BEND4: variants seen among roughly 807,000 people sequenced by gnomAD.
The protein encoded by BEND4 is BEN domain-containing protein 4.
In BEND4, 27 loss-of-function variants were observed where a neutral mutation model predicts 54.7. The ratio of observed to expected loss-of-function variants is 0.49; its 90% confidence interval spans 0.36 to 0.68. The LOEUF (loss-of-function observed/expected upper bound fraction) is 0.68, where lower values mean the gene tolerates loss of function less well. Among genes scored for constraint, BEND4 ranks in the 30% least tolerant of loss-of-function variants. BEND4 has a pLI of 0.00. For synonymous variants in BEND4, 327 were observed against 299.5 expected, an observed-to-expected ratio of 1.09 and a Z score of -0.95; for missense variants, 702 against 697.2, an observed-to-expected ratio of 1.01 and a Z score of -0.08.
chr4:42,138,372 T>A (rs115737563), intron 3 of BEND4, among the ~76,000 whole-genome samples: 24,194 of 151,988 alleles, frequency 0.16, 2,000 homozygotes, highest in Non-Finnish European at 0.19. Context: ...TAAAATAAAT[T>A]CAAATTCAAA....
intron 2 of BEND4, among the ~76,000 whole-genome samples, chr4:42,149,016 C>T (rs1457375274): frequency 6.6e-6 from 1 of 152,142 alleles, no homozygotes; most frequent in Non-Finnish European, 1.5e-5. Flanking sequence ...AAATAAGATT[C>T]ACTTCAACCC....
chr4:42,120,164 T>G lies in BEND4; in HGVS notation c.1277A>C (p.Asp426Ala). 6.2e-7 allele frequency: 1 copy of G among 1,613,966 alleles called. No homozygotes were observed. Among genetic ancestry groups the G allele is most frequent in the Non-Finnish European group, 8.5e-7 (1 of 1,179,876 alleles). Reference sequence around the variant, plus strand: ...AAGGCCGCATGAGTACTTAAGCTCATCGGTTGTGAAAACAAATCTGATGAG... The same window carrying G: ...AAGGCCGCATGAGTACTTAAGCTCAGCGGTTGTGAAAACAAATCTGATGAG... ...RYLIRFVFTT[D>A]ELKYSCGLGK... The change falls in exon 5 of 6, where the codon GAT becomes GCT. Residue 426 changes from aspartate (D) to alanine (A), a missense_variant. Transcript: ENST00000502486.
At chr4:42,135,384 C>T (rs1399696771) in intron 3 of BEND4, among the ~76,000 whole-genome samples, 1 of 152,156 alleles carries the variant, frequency 6.6e-6, no homozygotes, top group East Asian at 1.9e-4. Flanking sequence ...AGAATAATTT[C>T]CTCTTTTTCT....
chr4:42,150,258 A>G (rs1721217179), intron 2 of BEND4, among the ~76,000 whole-genome samples: 1 of 152,216 alleles, frequency 6.6e-6, no homozygotes, highest in African/African-American at 2.4e-5. Flanking sequence ...TGCCTAACAA[A>G]GAATATAAAA....
intron 3 of BEND4, among the ~76,000 whole-genome samples, chr4:42,128,629 A>C (rs1399187507): frequency 6.6e-6 from 1 of 151,840 alleles, no homozygotes; most frequent in Non-Finnish European, 1.5e-5. Flanking sequence ...GTCTCAAAAA[A>C]ACAGAAAAGA....
At position 42,113,720 on chromosome 4, in the gene BEND4, T is replaced by C. The variant is rs1719667744; in HGVS notation, c.*3798A>G. The C allele has an allele frequency of 6.6e-6, 1 of 152,206 alleles. No homozygotes were observed. The highest frequency in any genetic ancestry group is 1.5e-5 in the Non-Finnish European group (1 of 68,030). 9.4% of individuals were successfully genotyped at this position (152,206 alleles called of 1,614,324 possible). On this transcript the variant is annotated 3_prime_UTR_variant, in exon 6 of 6. Coordinates refer to ENST00000502486, the MANE Select transcript of BEND4 (RefSeq NM_207406.4). ...TAATTTATCTCTCCTTATAATCCTGTAGGAATCTCTTATGTCAATGTGTCT... is the reference window on the plus strand; with the variant it reads ...TAATTTATCTCTCCTTATAATCCTGCAGGAATCTCTTATGTCAATGTGTCT...
intron 3 of BEND4, among the ~76,000 whole-genome samples, chr4:42,128,616 T>A (rs775413148): frequency 3.3e-5 from 5 of 150,442 alleles, no homozygotes; most frequent in Admixed American, 1.3e-4. Flanking sequence ...AGAGCAAGAC[T>A]CCGTCTCAAA....
In BEND4 at chr4:42,113,849, G is replaced by A. The variant is rs1427301360; in HGVS notation, c.*3669C>T. ...ATGTCTCGAATCCCCTACAAAAGGA[G>A]ATAACAATTTTCTGCAAATGCTCTA... On this transcript the variant is annotated 3_prime_UTR_variant, in exon 6 of 6. Transcript: ENST00000502486. 1 of 152,188 alleles carries A rather than the reference G, an allele frequency of 6.6e-6. No homozygotes were observed. The highest frequency in any genetic ancestry group is 1.5e-5 in the Non-Finnish European group (1 of 68,042). 9.4% of individuals were successfully genotyped at this position (152,188 alleles called of 1,614,324 possible).
intron 3 of BEND4, among the ~76,000 whole-genome samples, chr4:42,127,959 T>C (rs1190453532): frequency 2.0e-5 from 3 of 151,972 alleles, no homozygotes; most frequent in African/African-American, 7.2e-5. Flanking sequence ...GCCCAGGAGA[T>C]TGAGACTAGC....
chr4:42,130,458 C>T (rs1278111273), intron 3 of BEND4, among the ~76,000 whole-genome samples: 5 of 128,158 alleles, frequency 3.9e-5, no homozygotes, highest in African/African-American at 3.1e-5. Flanking sequence ...CCAGTCTGGG[C>T]GACAGAGCAA....
intron 3 of BEND4, among the ~76,000 whole-genome samples, chr4:42,142,724 A>G (rs1210433646): frequency 6.6e-6 from 1 of 151,980 alleles, no homozygotes; most frequent in Non-Finnish European, 1.5e-5. Flanking sequence ...CTTGCCAGAA[A>G]GATGATTTTA....
intron 2 of BEND4, among the ~76,000 whole-genome samples, chr4:42,150,674 T>C (rs891293587): frequency 2.6e-5 from 4 of 152,216 alleles, no homozygotes; most frequent in South Asian, 2.1e-4. Context: ...GAGAGGTCCC[T>C]TGGGCGCAGG....
chr4:42,148,448 G>A (rs1445783465), intron 2 of BEND4, among the ~76,000 whole-genome samples: 1 of 152,168 alleles, frequency 6.6e-6, no homozygotes, highest in African/African-American at 2.4e-5. Flanking sequence ...TGGACCATCG[G>A]TATATAAAAT....
chr4:42,143,776 T>TAG lies in BEND4; in HGVS notation c.705_706insCT (p.Met236LeufsTer12). The TAG allele has an allele frequency of 6.2e-7, 1 of 1,613,220 alleles. No individual in the cohort carries two copies. Among genetic ancestry groups the TAG allele is most frequent in the Non-Finnish European group, 8.5e-7 (1 of 1,179,440 alleles). ...GCAGAAGTTTGTTGTTTCCTTTGCA[T>TAG]ATACTGCATCTCTATGTCTACATTG... On this transcript the variant is annotated frameshift_variant, in exon 3 of 6. Coordinates refer to ENST00000502486, the MANE Select transcript of BEND4 (RefSeq NM_207406.4). LOFTEE classifies it high-confidence loss of function.
At position 42,125,661 on chromosome 4, in the gene BEND4, G is replaced by A. The variant is rs143808029; in HGVS notation, c.1068C>T (p.Thr356=). Residue 356 remains threonine, a synonymous_variant, in exon 4 of 6, where the codon ACC becomes ACT. Coordinates refer to ENST00000502486, the MANE Select transcript of BEND4 (RefSeq NM_207406.4). ...KLESIPVPCQ[T]VLDYLKMVLQ... is the part of the protein sequence containing the mutation. The stretch of plus-strand genomic sequence containing the variant: ...GAACCATCTTCAAGTAATCTAAAAC[G>A]GTCTGGCAGGGCACTGGGTGGAAGA... 2.1e-3 allele frequency: 3,413 copies of A among 1,609,626 alleles called. 39 individuals are homozygous for A. In the Admixed American group the frequency reaches 0.029, roughly 14 times the overall value.
chr4:42,141,794 C>A (rs1448080967), intron 3 of BEND4, among the ~76,000 whole-genome samples: 1 of 152,074 alleles, frequency 6.6e-6, no homozygotes, highest in Admixed American at 6.6e-5. Context: ...TATGTATCAG[C>A]ATTAAAATTT....
rs1719542605 is a variant in BEND4, at chr4:42,111,115, T to C, written c.*6403A>G. 6.6e-6 allele frequency: 1 copy of C among 152,230 alleles called. No individual in the cohort carries two copies. The highest frequency in any genetic ancestry group is 2.1e-4 in the South Asian group (1 of 4,834). The allele number at this position is 152,230 out of a possible 1,614,324, so 9.4% of individuals were successfully genotyped here. ...AATGTTTAAAAAACTTTTATAACATTTTAAGTTTCTAAAAGAAATGAGCCT... is the reference window on the plus strand; with the variant it reads ...AATGTTTAAAAAACTTTTATAACATCTTAAGTTTCTAAAAGAAATGAGCCT... On this transcript the variant is annotated 3_prime_UTR_variant, in exon 6 of 6. Transcript: ENST00000502486.
chr4:42,138,848 G>T lies in BEND4; in HGVS notation c.1054+4580C>A, dbSNP rs531179034. Among the ~76,000 whole-genome samples, 5 of 152,194 alleles carry T rather than the reference G, an allele frequency of 3.3e-5. No individual in the cohort carries two copies. The South Asian group carries it at 1.0e-3, about 32-fold the overall frequency. ...CTATATTTTATGATTCTAAGACCCA[G>T]AGTTTTTCACATTTAGTATCTATGG... On this transcript the variant is annotated intron_variant, in intron 3 of 5. Coordinates refer to ENST00000502486, the MANE Select transcript of BEND4 (RefSeq NM_207406.4).
intron 4 of BEND4, among the ~76,000 whole-genome samples, chr4:42,123,718 C>CAAAAAAAAAAAAAAAAAAAA (rs1034323645): frequency 1.3e-5 from 1 of 78,812 alleles, no homozygotes; most frequent in African/African-American, 4.8e-5. Flanking sequence ...AAAAAAAAAA[C>CAAAAAAAAAAAAAAAAAAAA]AACTTTCCAG....
Sources: gnomAD v4.1 joint callset for allele counts (sites outside exome capture counted in the v4.1 genomes callset) on GRCh38, gnomAD v4.1.1 for gene constraint, MANE v1.5 for transcripts, NCBI Gene and HGNC (gene_info 2026-07-23, HGNC 2026-07-21) for gene names.